TRAF3IP1: variants seen among roughly 807,000 people sequenced by gnomAD.
TRAF3IP1 encodes TRAF3-interacting protein 1.
Under a neutral mutation model 89.9 loss-of-function variants are expected in TRAF3IP1, and 53 were observed. The ratio of observed to expected loss-of-function variants is 0.59; its 90% CI spans 0.47 to 0.74. The LOEUF (loss-of-function observed/expected upper bound fraction) is 0.74, where lower values mean the gene tolerates loss of function less well. Ranked by LOEUF, TRAF3IP1 falls within the 30% of genes least tolerant of loss-of-function variation. The pLI is 0.00. For missense variants in TRAF3IP1, 806 were observed against 866.1 expected (o/e 0.93, Z 0.87); for synonymous variants, 311 against 322.1 (o/e 0.97, Z 0.37).
intron 7 of TRAF3IP1, among the ~76,000 whole-genome samples, chr2:238,337,988 G>A (rs779192377): frequency 2.6e-5 from 4 of 152,140 alleles, no homozygotes; most frequent in Non-Finnish European, 4.4e-5. Context: ...GGACCTTTGC[G>A]CAGTAATTAG....
intron 15 of TRAF3IP1, among the ~76,000 whole-genome samples, chr2:238,381,701 C>T (rs1051828709): frequency 8.5e-5 from 13 of 152,180 alleles, no homozygotes; most frequent in Non-Finnish European, 1.6e-4. Context: ...TTCATTTGCA[C>T]CACTGTTACA....
chr2:238,338,471 A>G lies in TRAF3IP1; in HGVS notation c.1159+14A>G, dbSNP rs377728313. The G allele has an allele frequency of 8.4e-6, 12 of 1,430,030 alleles. No homozygotes were observed. In the African/African-American group the frequency reaches 8.6e-5, roughly 10 times the overall value. 88.6% of individuals were successfully genotyped at this position (1,430,030 alleles called of 1,614,324 possible). On this transcript the variant is annotated intron_variant, in intron 8 of 16. Transcript: ENST00000373327. ...CATCAGAAATAGGTAAGAAAAATATATTCTTTAGTTTAAATTCCTCACCAC... is the reference window on the plus strand; with the variant it reads ...CATCAGAAATAGGTAAGAAAAATATGTTCTTTAGTTTAAATTCCTCACCAC...
chr2:238,375,630 A>C (rs543892405), intron 15 of TRAF3IP1, among the ~76,000 whole-genome samples: 2 of 152,308 alleles, frequency 1.3e-5, no homozygotes, highest in African/African-American at 4.8e-5. Flanking sequence ...AGAATTCTGT[A>C]GATGTCTATT....
intron 8 of TRAF3IP1, among the ~76,000 whole-genome samples, chr2:238,340,675 A>G (rs67789994): frequency 0.12 from 17,761 of 151,928 alleles, 1,767 homozygotes; most frequent in African/African-American, 0.27. Flanking sequence ...CCCTCATTTC[A>G]TTTTTGCTTA....
chr2:238,391,234 G>A (rs946444287), intron 15 of TRAF3IP1, among the ~76,000 whole-genome samples: 4 of 152,164 alleles, frequency 2.6e-5, no homozygotes, highest in African/African-American at 4.8e-5. Flanking sequence ...TGGGATTACC[G>A]GCATGAGCCA....
chr2:238,384,539 A>ATTTTTTTTTTT (rs35203636), intron 15 of TRAF3IP1, among the ~76,000 whole-genome samples: 2 of 119,904 alleles, frequency 1.7e-5, no homozygotes, highest in Non-Finnish European at 1.7e-5. Flanking sequence ...CGCCTGGCTA[A>ATTTTTTTTTTT]TTTTTTTTTT....
At chr2:238,362,892 G>A (rs778097053) in intron 15 of TRAF3IP1, among the ~76,000 whole-genome samples, 2 of 152,204 alleles carry the variant, frequency 1.3e-5, no homozygotes, top group African/African-American at 4.8e-5. Flanking sequence ...ACACAGTGGC[G>A]GGAAGCTTTG....
In TRAF3IP1 at chr2:238,330,302, T is replaced by G. The variant is rs147414655; in HGVS notation, c.915+960T>G. 2.4e-4 allele frequency among the ~76,000 whole-genome samples: 37 copies of G among 152,316 alleles called. 1 individual carries two copies. In the South Asian group the frequency reaches 7.3e-3, roughly 30 times the overall value. On this transcript the variant is annotated intron_variant, in intron 5 of 16. Coordinates refer to ENST00000373327, the MANE Select transcript of TRAF3IP1 (RefSeq NM_015650.4). ...TTGTTTAATTAAATTTTCAGGTAAA[T>G]TTAGGGTTTGCCAGGAAGTCCTGTT... is the stretch of plus-strand genomic sequence containing the variant.
chr2:238,324,861 C>G (rs1697741672), intron 1 of TRAF3IP1, among the ~76,000 whole-genome samples: 1 of 152,184 alleles, frequency 6.6e-6, no homozygotes, highest in Non-Finnish European at 1.5e-5. Flanking sequence ...CTCAGCCTCC[C>G]AAAGTGCTGG....
intron 15 of TRAF3IP1, among the ~76,000 whole-genome samples, chr2:238,374,365 C>A (rs1700229458): frequency 6.6e-6 from 1 of 152,164 alleles, no homozygotes; most frequent in South Asian, 2.1e-4. Flanking sequence ...GGTCGAAGGC[C>A]TTTTCTGCAT....
At chr2:238,359,267 T>C (rs1699558842) in intron 15 of TRAF3IP1, among the ~76,000 whole-genome samples, 1 of 152,186 alleles carries the variant, frequency 6.6e-6, no homozygotes, top group African/African-American at 2.4e-5. Flanking sequence ...CAAACATCCA[T>C]GCCAACGACA....
intron 15 of TRAF3IP1, among the ~76,000 whole-genome samples, chr2:238,358,327 A>G (rs1265195688): frequency 6.6e-6 from 1 of 152,088 alleles, no homozygotes; most frequent in East Asian, 1.9e-4. Flanking sequence ...GCTTGAGGCT[A>G]TGAGTTTGAG....
rs1697470319 is a variant in TRAF3IP1, at chr2:238,320,599, C to T, written c.-64C>T. 9.7e-6 allele frequency: 11 copies of T among 1,131,126 alleles called. No individual in the cohort carries two copies. The highest frequency in any genetic ancestry group is 1.1e-6 in the Non-Finnish European group (1 of 920,536). 70.1% of individuals were successfully genotyped at this position (1,131,126 alleles called of 1,614,324 possible). ...GGCGGGGCCGGCGGCGGCCAGGGAC[C>T]CGGGCTTAGGCTCGGCCAGGCCGGC... On this transcript the variant is annotated 5_prime_UTR_variant, in exon 1 of 17. Transcript: ENST00000373327.
At chr2:238,325,397 C>A in intron 2 of TRAF3IP1, 23 bp downstream of exon 2, 1 of 1,613,386 alleles carries the variant, frequency 6.2e-7, no homozygotes, top group Non-Finnish European at 8.5e-7. Context: ...CGGGCTTCTC[C>A]TATTGACTCC....
intron 7 of TRAF3IP1, among the ~76,000 whole-genome samples, chr2:238,337,406 G>C (rs141686304): frequency 3.3e-4 from 50 of 152,300 alleles, no homozygotes; most frequent in African/African-American, 1.1e-3. Context: ...GCAGGGCCTG[G>C]AGCTGCTGGT....
rs1437839429 is a variant in TRAF3IP1 at position 238,328,802 on chromosome 2, A to G, written c.471A>G (p.Glu157=). The change falls in exon 4 of 17, where the codon GAA becomes GAG. Residue 157 remains glutamate, a synonymous_variant. Coordinates refer to ENST00000373327, the MANE Select transcript of TRAF3IP1 (RefSeq NM_015650.4). ...TGGATAATAAGAATGTGCGAGAAGA[A>G]GAGTCCAGAGTTCACAAAAATACAG... The part of the protein sequence containing the change: ...QELDNKNVRE[E]ESRVHKNTED... 6.2e-7 allele frequency: 1 copy of G among 1,613,632 alleles called. No individual in the cohort carries two copies. The highest frequency in any genetic ancestry group is 2.2e-5 in the East Asian group (1 of 44,880).
chr2:238,370,837 A>G (rs1700078825), intron 15 of TRAF3IP1, among the ~76,000 whole-genome samples: 1 of 152,230 alleles, frequency 6.6e-6, no homozygotes, highest in South Asian at 2.1e-4. Context: ...GGAATGAATG[A>G]TAAAATGTGG....
In TRAF3IP1 at chr2:238,349,366, G is replaced by A. The variant is rs149500281; in HGVS notation, c.1409G>A (p.Arg470Gln). 23 of 1,614,024 alleles carry A rather than the reference G, an allele frequency of 1.4e-5. No individual in the cohort carries two copies. The highest frequency in any genetic ancestry group is 1.6e-4 in the Middle Eastern group (1 of 6,084). The change falls in exon 12 of 17, where the codon CGG becomes CAG. Residue 470 changes from arginine (R) to glutamine (Q), a missense_variant. Physicochemically the swap from Arg to Gln is conservative, Grantham distance 43 (BLOSUM62 1). This residue lies in a region of TRAF3IP1 where 732 missense variants were observed against 780.5 expected (regional missense o/e 0.94). Transcript: ENST00000373327. ...RPGSARPAPP[R>Q]VKRQDSMEAL... The stretch of plus-strand genomic sequence containing the variant: ...GGGAGTGCAAGACCAGCCCCTCCCC[G>A]GGTCAAACGGCAAGACAGCATGGAG...
At chr2:238,377,335 G>C (rs1306469549) in intron 15 of TRAF3IP1, among the ~76,000 whole-genome samples, 2 of 148,896 alleles carry the variant, frequency 1.3e-5, no homozygotes, top group Non-Finnish European at 3.0e-5. Flanking sequence ...CTAGGCTCAG[G>C]TGATCCTTCC....
Sources: allele counts gnomAD v4.1 joint callset (sites outside exome capture counted in the v4.1 genomes callset), GRCh38; gene constraint gnomAD v4.1.1; regional missense constraint gnomAD v4.1.1; transcripts MANE v1.5; gene names NCBI Gene and HGNC (gene_info 2026-07-23, HGNC 2026-07-21).